Variants in FRS2 observed in about 807,000 individuals in gnomAD.
The protein encoded by FRS2 is fibroblast growth factor receptor substrate 2, also known as FGFR signalling adaptor.
FRS2 carries 8 observed loss-of-function variants against 43.9 expected under a neutral mutation model. The ratio of observed to expected loss-of-function variants is 0.18; its 90% CI spans 0.11 to 0.33. The LOEUF (loss-of-function observed/expected upper bound fraction) is 0.33, where lower values mean the gene tolerates loss of function less well. Among genes scored for constraint, FRS2 ranks in the 10% least tolerant of loss-of-function variants. The probability of loss-of-function intolerance (pLI) is 1.00; values close to 1 mark genes in which losing one functional copy is unlikely to be tolerated. For missense variants in FRS2, 534 were observed against 627.6 expected, an observed-to-expected ratio of 0.85 and a Z score of 1.59; for synonymous variants, 219 against 220.3, an observed-to-expected ratio of 0.99 and a Z score of 0.05.
intron 1 of FRS2, among the ~76,000 whole-genome samples, chr12:69,516,133 GTTATT>G (rs1023058663): frequency 1.3e-5 from 2 of 151,538 alleles, no homozygotes; most frequent in African/African-American, 2.4e-5. Flanking sequence ...TCATAATAAT[GTTATT>G]TTATTCACTT....
In FRS2 at chr12:69,574,591, C is replaced by G; in HGVS notation, c.1163C>G (p.Pro388Arg). The G allele has an allele frequency of 1.9e-6, 3 of 1,613,768 alleles. No individual in the cohort carries two copies. Among genetic ancestry groups the G allele is most frequent in the Non-Finnish European group, 2.5e-6 (3 of 1,179,698 alleles). The change falls in exon 9 of 9, where the codon CCA becomes CGA. Residue 388 changes from proline (P) to arginine (R), a missense_variant. Pro to Arg is a moderately radical substitution (Grantham distance 103). This residue lies in a region of FRS2 where 446 missense variants were observed against 494.2 expected (regional missense o/e 0.90). Transcript: ENST00000549921. ...AATGGCTACCATAATAATCTAGATC[C>G]AATGCATAACTATGTAAATACAGAG... ...SLNGYHNNLD[P>R]MHNYVNTENV...
At chr12:69,569,933 C>T (rs1455326085) in intron 5 of FRS2, among the ~76,000 whole-genome samples, 1 of 152,028 alleles carries the variant, frequency 6.6e-6, no homozygotes, top group Middle Eastern at 3.2e-3. Context: ...TTATGATGTC[C>T]CTTTATCTCC....
intron 1 of FRS2, among the ~76,000 whole-genome samples, chr12:69,492,537 A>G (rs749459370): frequency 3.9e-5 from 6 of 152,242 alleles, no homozygotes; most frequent in Non-Finnish European, 7.3e-5. Flanking sequence ...ACAAAGAACC[A>G]TCTGTATGTT....
At chr12:69,527,542 T>C (rs1876380673) in intron 1 of FRS2, among the ~76,000 whole-genome samples, 1 of 151,932 alleles carries the variant, frequency 6.6e-6, no homozygotes, top group Non-Finnish European at 1.5e-5. Context: ...GGCACAAATA[T>C]GGGATTTGTC....
chr12:69,498,518 T>TC (rs1485005108), intron 1 of FRS2, among the ~76,000 whole-genome samples: 1 of 134,630 alleles, frequency 7.4e-6, no homozygotes, highest in East Asian at 2.3e-4. Flanking sequence ...ATTATGAGGG[T>TC]TTGTGTGTGT....
intron 3 of FRS2, among the ~76,000 whole-genome samples, chr12:69,535,162 G>A (rs1157240761): frequency 6.6e-6 from 1 of 152,120 alleles, no homozygotes. Context: ...GGGCGTATCT[G>A]ACAAATAAGT....
intron 1 of FRS2, among the ~76,000 whole-genome samples, chr12:69,497,082 T>C (rs547798655): frequency 6.6e-6 from 1 of 152,354 alleles, no homozygotes; most frequent in South Asian, 2.1e-4. Flanking sequence ...CAAATCTTTA[T>C]TGACTATTGG....
chr12:69,489,422 C>G (rs1051010401), intron 1 of FRS2, among the ~76,000 whole-genome samples: 1 of 152,250 alleles, frequency 6.6e-6, no homozygotes, highest in South Asian at 2.1e-4. Context: ...ATAATCCCAG[C>G]ACTTTTGGAG....
At chr12:69,553,826 TAGG>T (rs1879115815) in intron 3 of FRS2, among the ~76,000 whole-genome samples, 1 of 152,202 alleles carries the variant, frequency 6.6e-6, no homozygotes, top group African/African-American at 2.4e-5. Flanking sequence ...AGACTGTCTC[TAGG>T]AGTTCTCAGT....
chr12:69,490,962 C>T (rs1592928935), intron 1 of FRS2, among the ~76,000 whole-genome samples: 1 of 152,222 alleles, frequency 6.6e-6, no homozygotes, highest in East Asian at 1.9e-4. Context: ...AGTAAGTGTA[C>T]ATGATCTAAA....
intron 1 of FRS2, among the ~76,000 whole-genome samples, chr12:69,488,186 C>T (rs1297346895): frequency 6.6e-6 from 1 of 152,194 alleles, no homozygotes; most frequent in African/African-American, 2.4e-5. Flanking sequence ...AGAAGTTCTA[C>T]TGTGGGTAAA....
At chr12:69,498,572 GT>G (rs556080506) in intron 1 of FRS2, among the ~76,000 whole-genome samples, 3 of 114,436 alleles carry the variant, frequency 2.6e-5, no homozygotes, top group Non-Finnish European at 5.6e-5. Context: ...TGTTTGTTTC[GT>G]TTTTTTTTAG....
At chr12:69,567,383 C>G (rs1371324427) in intron 4 of FRS2, among the ~76,000 whole-genome samples, 1 of 152,116 alleles carries the variant, frequency 6.6e-6, no homozygotes, top group East Asian at 1.9e-4. Flanking sequence ...AATACTTATA[C>G]CTGCTAGGGA....
At chr12:69,497,273 T>A (rs1357793200) in intron 1 of FRS2, among the ~76,000 whole-genome samples, 1 of 152,244 alleles carries the variant, frequency 6.6e-6, no homozygotes, top group African/African-American at 2.4e-5. Context: ...GTGAGCTTAG[T>A]GCTCTTAGTG....
chr12:69,478,041 GTTTA>G (rs1314101315), intron 1 of FRS2, among the ~76,000 whole-genome samples: 1 of 152,020 alleles, frequency 6.6e-6, no homozygotes, highest in Admixed American at 6.6e-5. Context: ...GCGCCCGGCT[GTTTA>G]TTTATTTTTA....
At chr12:69,477,413 G>C (rs1263920952) in intron 1 of FRS2, among the ~76,000 whole-genome samples, 2 of 151,112 alleles carry the variant, frequency 1.3e-5, no homozygotes, top group Non-Finnish European at 2.9e-5. Flanking sequence ...CTCACCAGTA[G>C]CTGGGACTAC....
chr12:69,551,440 A>G (rs534348087), intron 3 of FRS2, among the ~76,000 whole-genome samples: 2 of 152,350 alleles, frequency 1.3e-5, no homozygotes, highest in Admixed American at 1.3e-4. Flanking sequence ...TGTAGTTATG[A>G]ATGTGGCTCT....
chr12:69,477,448 A>G lies in FRS2; in HGVS notation c.-261+6918A>G, dbSNP rs1018221115. 1.1e-4 allele frequency among the ~76,000 whole-genome samples: 17 copies of G among 151,162 alleles called. 1 individual carries two copies. The highest frequency in any genetic ancestry group is 1.1e-3 in the Admixed American group (17 of 15,214). On this transcript the variant is annotated intron_variant, in intron 1 of 8. Coordinates refer to ENST00000549921, the MANE Select transcript of FRS2 (RefSeq NM_001278356.2). ...CAGGCGCCCGCCAACACGCCTGGCT[A>G]ATTTTTTGTATTTTTAGTAGAAACG...
At chr12:69,572,015 G>A (rs552084199) in intron 7 of FRS2, 103 bp from the exon 8 acceptor site, 1 of 746,568 alleles carries the variant, frequency 1.3e-6, no homozygotes, top group East Asian at 2.7e-5. Context: ...TGCTGTCTTG[G>A]CAGAAAGACC....
Sources: gnomAD v4.1 joint callset for allele counts (sites outside exome capture counted in the v4.1 genomes callset) on GRCh38, gnomAD v4.1.1 for gene constraint, gnomAD v4.1.1 regional missense constraint, MANE v1.5 for transcripts, NCBI Gene and HGNC (gene_info 2026-07-23, HGNC 2026-07-21) for gene names.